EPHA4: variants seen among roughly 807,000 people sequenced by gnomAD.
EPHA4 encodes EPH receptor A4, also known as ephrin type-A receptor 4.
A neutral mutation model predicts 108.3 loss-of-function variants in EPHA4; 19 were observed. The observed-to-expected ratio is 0.18, with a 90% CI of 0.12 to 0.26. The LOEUF (loss-of-function observed/expected upper bound fraction) is 0.26, where lower values mean the gene tolerates loss of function less well. Among genes scored for constraint, EPHA4 ranks in the 10% least tolerant of loss-of-function variants. EPHA4 has a pLI of 1.00. For synonymous variants in EPHA4, 449 were observed against 455.5 expected, an observed-to-expected ratio of 0.99 and a Z score of 0.18; for missense variants, 917 against 1,254.0, an observed-to-expected ratio of 0.73 and a Z score of 4.06.
chr2:221,440,339 G>A (rs559718677), intron 11 of EPHA4, among the ~76,000 whole-genome samples: 99 of 152,330 alleles, frequency 6.5e-4, no homozygotes, highest in Middle Eastern at 6.8e-3. Context: ...CTCTTCTGCA[G>A]AGGTGCTAGG....
In EPHA4 at chr2:221,439,496, T is replaced by C. The variant is rs10192031; in HGVS notation, c.2075-2374A>G. Among the ~76,000 whole-genome samples, 644 of 151,788 alleles carry C rather than the reference T, an allele frequency of 4.2e-3. 4 individuals are homozygous for C. The highest frequency in any genetic ancestry group is 0.015 in the African/African-American group (606 of 41,428). On this transcript the variant is annotated intron_variant, in intron 11 of 17. Coordinates refer to ENST00000281821, the MANE Select transcript of EPHA4 (RefSeq NM_004438.5). The stretch of plus-strand genomic sequence containing the variant: ...GGGTGAATTTCTTTTCTTTTCTTTT[T>C]TTTTTTTAAGAGACAGGGTCTGGCT...
At chr2:221,433,876 T>TA (rs1163247652) in intron 14 of EPHA4, among the ~76,000 whole-genome samples, 1 of 152,240 alleles carries the variant, frequency 6.6e-6, no homozygotes, top group Admixed American at 6.5e-5. Context: ...GTTCACCAAG[T>TA]AAAAATACTA....
chr2:221,540,210 G>A (rs927073163), intron 3 of EPHA4, among the ~76,000 whole-genome samples: 9 of 152,120 alleles, frequency 5.9e-5, no homozygotes, highest in African/African-American at 9.7e-5. Flanking sequence ...AGGAGCCACC[G>A]CGCCCAGCCC....
chr2:221,508,803 C>T (rs1183273535), intron 3 of EPHA4, among the ~76,000 whole-genome samples: 1 of 152,056 alleles, frequency 6.6e-6, no homozygotes, highest in African/African-American at 2.4e-5. Context: ...CTAAAAATTA[C>T]ACCATGAAAT....
intron 3 of EPHA4, among the ~76,000 whole-genome samples, chr2:221,522,276 C>A (rs1361306417): frequency 6.6e-6 from 1 of 152,142 alleles, no homozygotes. Flanking sequence ...GAATTTCCAG[C>A]CATCAGATAG....
intron 3 of EPHA4, among the ~76,000 whole-genome samples, chr2:221,540,138 T>C (rs1693790644): frequency 1.3e-5 from 2 of 152,210 alleles, no homozygotes; most frequent in African/African-American, 2.4e-5. Context: ...CAGGCTGGTC[T>C]CGAAATCCTG....
intron 5 of EPHA4, among the ~76,000 whole-genome samples, chr2:221,465,134 T>A (rs1041811103): frequency 2.6e-5 from 4 of 152,158 alleles, no homozygotes; most frequent in African/African-American, 9.7e-5. Context: ...CACAGCCACA[T>A]TATCCTTCAG....
intron 5 of EPHA4, among the ~76,000 whole-genome samples, chr2:221,479,918 T>C (rs1304485822): frequency 6.6e-6 from 1 of 152,186 alleles, no homozygotes; most frequent in Non-Finnish European, 1.5e-5. Context: ...TTTGTCCTGT[T>C]CAGCAAACCT....
chr2:221,492,029 G>T (rs552906715), intron 4 of EPHA4, among the ~76,000 whole-genome samples: 1 of 151,918 alleles, frequency 6.6e-6, no homozygotes, highest in Non-Finnish European at 1.5e-5. Context: ...AAGATACCCC[G>T]TTCTCACCCC....
intron 4 of EPHA4, among the ~76,000 whole-genome samples, chr2:221,483,619 G>A (rs561986470): frequency 2.0e-4 from 31 of 151,776 alleles, no homozygotes; most frequent in African/African-American, 5.1e-4. Context: ...AGGTTCAAGC[G>A]ATTATCATGC....
rs549782076 is a variant in EPHA4 at position 221,533,803 on chromosome 2, C to T, written c.823+29928G>A. Among the ~76,000 whole-genome samples the T allele has an allele frequency of 5.2e-4, 78 of 149,326 alleles. 1 individual carries two copies. Among genetic ancestry groups the T allele is most frequent in the African/African-American group, 1.8e-3 (75 of 40,626 alleles). Reference sequence around the variant, plus strand: ...TAAAGATCAGAGAGAGAATCTCTCCCTTATGAAAATCCAAACAACCTTCTC... The same window carrying T: ...TAAAGATCAGAGAGAGAATCTCTCCTTTATGAAAATCCAAACAACCTTCTC... On this transcript the variant is annotated intron_variant, in intron 3 of 17. Coordinates refer to ENST00000281821, the MANE Select transcript of EPHA4 (RefSeq NM_004438.5).
chr2:221,439,023 G>A (rs2106101763), intron 11 of EPHA4, among the ~76,000 whole-genome samples: 1 of 152,200 alleles, frequency 6.6e-6, no homozygotes, highest in East Asian at 1.9e-4. Context: ...ATTCCATGAA[G>A]TCCAATATAT....
chr2:221,538,752 C>A (rs916609024), intron 3 of EPHA4, among the ~76,000 whole-genome samples: 3 of 152,190 alleles, frequency 2.0e-5, no homozygotes, highest in African/African-American at 7.2e-5. Flanking sequence ...TGCTTTCTCA[C>A]TGAAAATACA....
chr2:221,465,404 G>A (rs1363102368), intron 5 of EPHA4, among the ~76,000 whole-genome samples: 3 of 152,114 alleles, frequency 2.0e-5, no homozygotes, highest in Non-Finnish European at 4.4e-5. Context: ...TTTACAGAGA[G>A]CTATTGGTTA....
chr2:221,451,694 A>G (rs1350099766), intron 8 of EPHA4, among the ~76,000 whole-genome samples: 2 of 152,230 alleles, frequency 1.3e-5, no homozygotes, highest in African/African-American at 4.8e-5. Flanking sequence ...GTGATGAGAA[A>G]GACACAGATC....
chr2:221,436,482 T>C lies in EPHA4; in HGVS notation c.2263A>G (p.Asn755Asp). ...GACACTTTGCAGACCAAGTTGCTGT[T>C]CACCAGGATGTTCCGTGCGGCCAGA... The part of the protein sequence containing the change: ...RDLAARNILV[N>D]SNLVCKVSDF... The change falls in exon 13 of 18, where the codon AAC becomes GAC. Residue 755 changes from asparagine (N) to aspartate (D), a missense_variant. This residue lies in a region of EPHA4 where 758 missense variants were observed against 1,076.7 expected (regional missense o/e 0.70). Coordinates refer to ENST00000281821, the MANE Select transcript of EPHA4 (RefSeq NM_004438.5). 1 of 1,614,132 alleles carries C rather than the reference T, an allele frequency of 6.2e-7. No homozygotes were observed. Among genetic ancestry groups the C allele is most frequent in the South Asian group, 1.1e-5 (1 of 91,078 alleles).
intron 4 of EPHA4, among the ~76,000 whole-genome samples, chr2:221,500,393 G>T (rs560422968): frequency 9.2e-5 from 14 of 152,168 alleles, no homozygotes; most frequent in Admixed American, 2.0e-4. Context: ...GAAAGGAATG[G>T]TAACACCTAG....
chr2:221,561,932 A>G (rs1694479958), intron 3 of EPHA4, among the ~76,000 whole-genome samples: 1 of 152,228 alleles, frequency 6.6e-6, no homozygotes, highest in East Asian at 1.9e-4. Context: ...CTGTCTTACA[A>G]AACGGAAAAG....
intron 3 of EPHA4, among the ~76,000 whole-genome samples, chr2:221,504,591 G>A (rs972425136): frequency 6.6e-6 from 1 of 151,146 alleles, no homozygotes; most frequent in African/African-American, 2.4e-5. Flanking sequence ...TGCTTTTTAA[G>A]AAATGTAGAA....
Sources: allele counts gnomAD v4.1 joint callset (sites outside exome capture counted in the v4.1 genomes callset), GRCh38; gene constraint gnomAD v4.1.1; regional missense constraint gnomAD v4.1.1; transcripts MANE v1.5; gene names NCBI Gene and HGNC (gene_info 2026-07-23, HGNC 2026-07-21).